Variants in DOCK8 observed in about 807,000 individuals in gnomAD.
The protein encoded by DOCK8 is dedicator of cytokinesis 8, also known as dedicator of cytokinesis protein 8.
DOCK8 carries 141 observed loss-of-function variants against 245.6 expected under a neutral mutation model. That is an observed-to-expected ratio of 0.57 (90% CI 0.50 to 0.66). DOCK8 has a LOEUF of 0.66. Among genes scored for constraint, DOCK8 ranks in the 30% least tolerant of loss-of-function variants. The probability of loss-of-function intolerance (pLI) is 0.00; values close to 1 mark genes in which losing one functional copy is unlikely to be tolerated. For synonymous variants in DOCK8, 1,168 were observed against 970.2 expected (o/e 1.20, Z -3.79); for missense variants, 2,965 against 2,603.4 (o/e 1.14, Z -3.02).
chr9:406,801 A>G (rs1216836435), intron 27 of DOCK8, 129 bp from the exon 28 acceptor site: 1 of 1,117,572 alleles, frequency 8.9e-7, no homozygotes, highest in Non-Finnish European at 1.3e-6. Context: ...CTTATCTGGC[A>G]CCAGAGTACC....
intron 14 of DOCK8, among the ~76,000 whole-genome samples, chr9:367,203 CATT>C (rs2053047229): frequency 6.6e-6 from 1 of 152,152 alleles, no homozygotes; most frequent in Admixed American, 6.5e-5. Flanking sequence ...ATGTTAGTAT[CATT>C]ATTATTGTTT....
intron 27 of DOCK8, among the ~76,000 whole-genome samples, chr9:405,357 T>C (rs994670016): frequency 1.3e-5 from 2 of 152,218 alleles, no homozygotes; most frequent in Non-Finnish European, 2.9e-5. Context: ...AAGTCTCAAA[T>C]CTTCCTTTGT....
At position 457,330 on chromosome 9, in the gene DOCK8, C is replaced by T. The variant is rs111898958; in HGVS notation, c.6068+5213C>T. ...CCCTCGGTTTCCCCAGATGTAAAAT[C>T]GGAATAATAATTGTACCTCTCCCTT... On this transcript the variant is annotated intron_variant, in intron 46 of 47. Transcript: ENST00000432829. Among the ~76,000 whole-genome samples the T allele has an allele frequency of 6.4e-3, 967 of 152,206 alleles. 11 individuals are homozygous for T. The highest frequency in any genetic ancestry group is 0.022 in the African/African-American group (918 of 41,514).
intron 1 of DOCK8, among the ~76,000 whole-genome samples, chr9:219,448 C>T (rs544382298): frequency 3.3e-5 from 5 of 151,396 alleles, no homozygotes; most frequent in South Asian, 2.1e-4. Context: ...CCAGCCTGGG[C>T]GACAGAGTGA....
At chr9:264,039 C>T (rs1292763665) in intron 1 of DOCK8, among the ~76,000 whole-genome samples, 1 of 152,202 alleles carries the variant, frequency 6.6e-6, no homozygotes, top group Non-Finnish European at 1.5e-5. Flanking sequence ...CATCTCTCCT[C>T]CTCCTTTGGG....
intron 26 of DOCK8, among the ~76,000 whole-genome samples, chr9:401,172 A>T (rs184944598): frequency 2.9e-3 from 433 of 150,994 alleles, no homozygotes; most frequent in African/African-American, 0.01. Context: ...TTCCAATTTT[A>T]TGGGTCTTAA....
chr9:367,744 G>A (rs1213259184), intron 14 of DOCK8, among the ~76,000 whole-genome samples: 1 of 152,186 alleles, frequency 6.6e-6, no homozygotes, highest in Non-Finnish European at 1.5e-5. Context: ...CCTCTAGGCA[G>A]ATTTCCACAT....
intron 7 of DOCK8, among the ~76,000 whole-genome samples, chr9:323,105 A>AG (rs2050593823): frequency 6.6e-6 from 1 of 151,754 alleles, no homozygotes; most frequent in African/African-American, 2.4e-5. Context: ...AAAAAAAAAA[A>AG]AAAGAAAGCC....
chr9:439,499 C>T (rs1339922151), intron 40 of DOCK8, 111 bp downstream of exon 40: 56 of 1,438,628 alleles, frequency 3.9e-5, no homozygotes, highest in Non-Finnish European at 4.8e-5. Context: ...CCCGAGGACA[C>T]GTGCCAGGGT....
chr9:271,589 A>G (rs1267115422), intron 1 of DOCK8, 38 bp from the exon 2 acceptor site: 1 of 1,421,500 alleles, frequency 7.0e-7, no homozygotes, highest in African/African-American at 1.4e-5. Context: ...ATTTCCTAAA[A>G]TAATCATTTC....
intron 29 of DOCK8, among the ~76,000 whole-genome samples, chr9:416,144 A>G (rs2055996576): frequency 6.6e-6 from 1 of 152,230 alleles, no homozygotes; most frequent in African/African-American, 2.4e-5. Context: ...TTGGGGCCAG[A>G]GTGCAAGGAA....
At chr9:417,936 A>C (rs1038471656) in intron 29 of DOCK8, 132 bp from the exon 30 acceptor site, 2 of 1,113,622 alleles carry the variant, frequency 1.8e-6, no homozygotes, top group Non-Finnish European at 1.3e-6. Flanking sequence ...TAGCAGATAC[A>C]TAATGCTAAA....
chr9:246,407 G>A, intron 1 of DOCK8, among the ~76,000 whole-genome samples: 1 of 152,104 alleles, frequency 6.6e-6, no homozygotes, highest in South Asian at 2.1e-4. Flanking sequence ...GTGAGCACCT[G>A]TAGTCCCACC....
intron 28 of DOCK8, among the ~76,000 whole-genome samples, chr9:407,635 A>T (rs1282793217): frequency 6.6e-6 from 1 of 151,696 alleles, no homozygotes; most frequent in Non-Finnish European, 1.5e-5. Flanking sequence ...ACAGACAGAG[A>T]GGTAGACCAC....
rs568632337 is a variant in DOCK8 at position 426,642 on chromosome 9, C to T, written c.4242-243C>T. The stretch of plus-strand genomic sequence containing the variant: ...CCCATAGTGTTATTTTTATAATTGT[C>T]CTCATCATTATTAATAATAGTGGGG... On this transcript the variant is annotated intron_variant, in intron 33 of 47. Transcript: ENST00000432829. Among the ~76,000 whole-genome samples the T allele has an allele frequency of 7.2e-5, 11 of 152,074 alleles. No individual in the cohort carries two copies. The East Asian group carries it at 2.1e-3, about 29-fold the overall frequency.
intron 46 of DOCK8, 78 bp from the exon 47 acceptor site, chr9:463,439 G>C (rs950563389): frequency 1.5e-5 from 24 of 1,562,738 alleles, no homozygotes; most frequent in African/African-American, 1.5e-4. Context: ...TCGAAAAATC[G>C]TAAGTAATTT....
chr9:305,437 C>G (rs556400787), intron 5 of DOCK8, among the ~76,000 whole-genome samples: 1 of 150,594 alleles, frequency 6.6e-6, no homozygotes, highest in South Asian at 2.1e-4. Context: ...CTCCCGCCAC[C>G]ACGCCCAGCT....
rs1270874483 is a variant in DOCK8 at position 223,010 on chromosome 9, A to G, written c.53+7981A>G. 1.3e-5 allele frequency among the ~76,000 whole-genome samples: 2 copies of G among 152,190 alleles called. 1 individual carries two copies. Among genetic ancestry groups the G allele is most frequent in the Non-Finnish European group, 2.9e-5 (2 of 68,040 alleles). ...TATGTGTTTTCACTTGGATGAGAGA[A>G]TAGAGAGTATGGACCTCTTTCATAC... On this transcript the variant is annotated intron_variant, in intron 1 of 47. Coordinates refer to ENST00000432829, the MANE Select transcript of DOCK8 (RefSeq NM_203447.4).
Position 332,491 on chromosome 9 carries a change from G to T in DOCK8, c.1125+13G>T, listed in dbSNP as rs1400527579. On this transcript the variant is annotated intron_variant, in intron 10 of 47. Coordinates refer to ENST00000432829, the MANE Select transcript of DOCK8 (RefSeq NM_203447.4). Reference sequence around the variant, plus strand: ...TGATGGTGGAAAGGTATGGTAATTTGAGTGTTGTTAAATGGAGACATCTTA... The same window carrying T: ...TGATGGTGGAAAGGTATGGTAATTTTAGTGTTGTTAAATGGAGACATCTTA... 6.3e-7 allele frequency: 1 copy of T among 1,589,164 alleles called. No homozygotes were observed. Among genetic ancestry groups the T allele is most frequent in the African/African-American group, 1.3e-5 (1 of 74,442 alleles).
Sources: gnomAD v4.1 joint callset for allele counts (sites outside exome capture counted in the v4.1 genomes callset) on GRCh38, gnomAD v4.1.1 for gene constraint, MANE v1.5 for transcripts, NCBI Gene and HGNC (gene_info 2026-07-23, HGNC 2026-07-21) for gene names.